The following UNC13A variants were observed in gnomAD, a reference collection of about 807,000 sequenced individuals.
The protein encoded by UNC13A is protein unc-13 homolog A.
In UNC13A, 61 loss-of-function variants were observed where a neutral mutation model predicts 219.7. The observed-to-expected ratio is 0.28, with a 90% confidence interval of 0.23 to 0.34. The LOEUF is 0.34. Among genes scored for constraint, UNC13A ranks in the 10% least tolerant of loss-of-function variants. The pLI is 1.00. For missense variants in UNC13A, 1,476 were observed against 2,270.3 expected (o/e 0.65, Z 7.11); for synonymous variants, 920 against 884.6 (o/e 1.04, Z -0.71).
Position 17,663,518 on chromosome 19 carries a change from G to A in UNC13A, c.559+14C>T. On this transcript the variant is annotated intron_variant, in intron 8 of 43. Coordinates refer to ENST00000519716, the MANE Select transcript of UNC13A (RefSeq NM_001080421.3). Reference sequence around the variant, plus strand: ...CATGTAACTCCCAGAACATCAATCAGGCTGAGTACTTACTGTGCTGCTCAC... The same window carrying A: ...CATGTAACTCCCAGAACATCAATCAAGCTGAGTACTTACTGTGCTGCTCAC... 6.2e-7 allele frequency: 1 copy of A among 1,612,626 alleles called. No homozygotes were observed. The highest frequency in any genetic ancestry group is 8.5e-7 in the Non-Finnish European group (1 of 1,179,418).
Position 17,611,830 on chromosome 19 carries a change from A to G in UNC13A, c.4584T>C (p.Gly1528=). 9 of 1,614,050 alleles carry G rather than the reference A, an allele frequency of 5.6e-6. No individual in the cohort carries two copies. The highest frequency in any genetic ancestry group is 7.6e-6 in the Non-Finnish European group (9 of 1,179,934). Residue 1528 remains glycine (G), a synonymous_variant, in exon 42 of 44, where the codon GGT becomes GGC. Coordinates refer to ENST00000519716, the MANE Select transcript of UNC13A (RefSeq NM_001080421.3). Reference sequence around the variant, plus strand: ...ACAGCTCAACATGGACAGAGACTTCACCCACAGGGTCTTCTACACCCAAGC... The same window carrying G: ...ACAGCTCAACATGGACAGAGACTTCGCCCACAGGGTCTTCTACACCCAAGC... ...AQGLGVEDPV[G]EVSVHVELFT...
intron 4 of UNC13A, 28 bp from the exon 5 acceptor site, chr19:17,669,704 G>T: frequency 6.3e-7 from 1 of 1,590,468 alleles, no homozygotes; most frequent in Non-Finnish European, 8.6e-7. Context: ...AGGTGTGTGG[G>T]TCAGGAATCT....
chr19:17,616,415 A>G (rs1400629525), intron 41 of UNC13A: 11 of 639,508 alleles, frequency 1.7e-5, no homozygotes, highest in Non-Finnish European at 3.2e-5. Flanking sequence ...TACCCTTCTC[A>G]GGATAAATGT....
Position 17,602,202 on chromosome 19 carries a change from G to C in UNC13A, c.*3852C>G, listed in dbSNP as rs1380904535. 2 of 152,696 alleles carry C rather than the reference G, an allele frequency of 1.3e-5. No homozygotes were observed. Among genetic ancestry groups the C allele is most frequent in the East Asian group, 3.9e-4 (2 of 5,190 alleles). The allele number at this position is 152,696 out of a possible 1,614,324, so 9.5% of individuals were successfully genotyped here. A position where few individuals can be genotyped will look rare whatever the true frequency, so the allele number is the denominator to read the frequency against. ...ATCATTCGAGGACAGACTGGTAAGA[G>C]TGAACAGATCCTTCTTTCTTCAGGA... On this transcript the variant is annotated 3_prime_UTR_variant, in exon 44 of 44. Coordinates refer to ENST00000519716, the MANE Select transcript of UNC13A (RefSeq NM_001080421.3).
At chr19:17,672,619 C>G (rs752644316) in intron 3 of UNC13A, 124 bp from the exon 4 acceptor site, 83 of 685,102 alleles carry the variant, frequency 1.2e-4, no homozygotes, top group Non-Finnish European at 1.9e-4. Context: ...TGGGAGTGTC[C>G]TAGGTGGTAG....
intron 35 of UNC13A, 124 bp downstream of exon 35, chr19:17,624,705 C>T: frequency 2.9e-6 from 4 of 1,385,574 alleles, no homozygotes; most frequent in Non-Finnish European, 3.8e-6. Context: ...GGCCCTTGAG[C>T]CTGGATGACC....
intron 4 of UNC13A, among the ~76,000 whole-genome samples, 184 bp from the exon 5 acceptor site, chr19:17,669,860 C>T (rs910992029): frequency 5.6e-5 from 8 of 143,172 alleles, no homozygotes; most frequent in African/African-American, 2.0e-4. Flanking sequence ...CTCCCTGCTT[C>T]CTTCCTTTCT....
rs935139298 is a variant in UNC13A, at chr19:17,647,167, G to C, written c.2044+98C>G. 1.8e-5 allele frequency: 21 copies of C among 1,138,878 alleles called. No homozygotes were observed. The Admixed American group carries it at 4.6e-4, about 25-fold the overall frequency. 70.5% of individuals were successfully genotyped at this position (1,138,878 alleles called of 1,614,324 possible). ...GGAATGCACCCGACCGAGTGAGTGCGCGCTGCAAAGGAGAGGGACCAGGCC... is the reference window on the plus strand; with the variant it reads ...GGAATGCACCCGACCGAGTGAGTGCCCGCTGCAAAGGAGAGGGACCAGGCC... On this transcript the variant is annotated intron_variant, in intron 17 of 43. Coordinates refer to ENST00000519716, the MANE Select transcript of UNC13A (RefSeq NM_001080421.3).
intron 41 of UNC13A, among the ~76,000 whole-genome samples, chr19:17,613,058 C>G (rs914911203): frequency 6.6e-5 from 10 of 152,000 alleles, no homozygotes; most frequent in Non-Finnish European, 1.2e-4. Context: ...ATGGCGAAAC[C>G]CTGTCTCTAC....
rs936015564 is a variant in UNC13A, at chr19:17,603,664, A to G, written c.*2390T>C. On this transcript the variant is annotated 3_prime_UTR_variant, in exon 44 of 44. Transcript: ENST00000519716. ...ACACTTGGGCCATTCACATGTCGGG[A>G]AACCAACGTCACAAACATACAACAC... 1 of 152,244 alleles carries G rather than the reference A, an allele frequency of 6.6e-6. No homozygotes were observed. Among genetic ancestry groups the G allele is most frequent in the Non-Finnish European group, 1.5e-5 (1 of 68,044 alleles). 9.4% of individuals were successfully genotyped at this position (152,244 alleles called of 1,614,324 possible). A position where few individuals can be genotyped will look rare whatever the true frequency, so the allele number is the denominator to read the frequency against.
intron 26 of UNC13A, among the ~76,000 whole-genome samples, chr19:17,635,556 C>A (rs923562594): frequency 6.6e-6 from 1 of 152,070 alleles, no homozygotes; most frequent in East Asian, 1.9e-4. Flanking sequence ...CAATATTGTA[C>A]GTTGAATTGC....
intron 26 of UNC13A, 136 bp downstream of exon 26, chr19:17,635,888 G>C: frequency 8.9e-7 from 1 of 1,126,672 alleles, no homozygotes; most frequent in Non-Finnish European, 1.2e-6. Context: ...TTTTGCACAG[G>C]TATAATCAGA....
chr19:17,633,180 G>A lies in UNC13A; in HGVS notation c.3229C>T (p.Leu1077=). 6.2e-7 allele frequency: 1 copy of A among 1,614,072 alleles called. No individual in the cohort carries two copies. The highest frequency in any genetic ancestry group is 8.5e-7 in the Non-Finnish European group (1 of 1,179,984). Residue 1077 remains leucine (L), a synonymous_variant, in exon 27 of 44, where the codon CTG becomes TTG. Transcript: ENST00000519716. ...TPCLNQFPQE[L]NVGKISAEVM... ...TCAGCGCTGATTTTACCCACATTCA[G>A]CTCCTGGGGAAACCTGGCAAAGTCA...
At chr19:17,609,021 G>A (rs1327913855) in intron 43 of UNC13A, among the ~76,000 whole-genome samples, 3 of 145,786 alleles carry the variant, frequency 2.1e-5, no homozygotes, top group Non-Finnish European at 3.0e-5. Flanking sequence ...GCAATGGCTC[G>A]ATCTTGGCTC....
In UNC13A at chr19:17,617,829, G is replaced by A. The variant is rs941676880; in HGVS notation, c.4431C>T (p.Gly1477=). ...CCAGGAAGGTCTTCTTGAGGCCCAC[G>A]CCACCCGCGTGGAAATATTGCTGGG... ...DTIKQYFHAG[G]VGLKKTFLEK... is the part of the protein sequence containing the mutation. The change falls in exon 41 of 44, where the codon GGC becomes GGT. Residue 1477 remains glycine, a synonymous_variant. Coordinates refer to ENST00000519716, the MANE Select transcript of UNC13A (RefSeq NM_001080421.3). The A allele has an allele frequency of 1.2e-6, 2 of 1,613,724 alleles. No homozygotes were observed. The highest frequency in any genetic ancestry group is 1.7e-6 in the Non-Finnish European group (2 of 1,179,834).
At chr19:17,624,775 GCTC>G in intron 35 of UNC13A, 51 bp downstream of exon 35, 2 of 1,562,958 alleles carry the variant, frequency 1.3e-6, no homozygotes, top group South Asian at 2.4e-5. Flanking sequence ...AGTTTTCTGG[GCTC>G]TCGCCAGGGA....
intron 41 of UNC13A, among the ~76,000 whole-genome samples, chr19:17,614,834 C>A (rs966443723): frequency 2.0e-5 from 3 of 152,192 alleles, no homozygotes; most frequent in African/African-American, 7.2e-5. Context: ...GCCCCGCCCT[C>A]CCCCAGGCCG....
chr19:17,606,666 T>C (rs1486975170), intron 43 of UNC13A, among the ~76,000 whole-genome samples: 1 of 148,170 alleles, frequency 6.7e-6, no homozygotes, highest in Non-Finnish European at 1.5e-5. Flanking sequence ...AAGGCCATGC[T>C]CCCACCCTGA....
Position 17,606,352 on chromosome 19 carries a change from G to C in UNC13A, c.4814C>G (p.Thr1605Arg). The stretch of plus-strand genomic sequence containing the variant: ...CTCGGGACCCGCGTCGGCGCTCAGC[G>C]TGCTGCGTGGGGAGGGGCGGAACGT... ...APKYNESFQF[T>R]LSADAGPECY... is the part of the protein sequence containing the mutation. The change falls in exon 44 of 44, where the codon ACG becomes AGG. Residue 1605 changes from threonine (T) to arginine (R), a missense_variant and splice_region_variant. Thr to Arg is a moderately conservative substitution (Grantham distance 71, BLOSUM62 -1). This residue lies in a region of UNC13A where 187 missense variants were observed against 172.3 expected (regional missense o/e 1.09). Transcript: ENST00000519716. 3.2e-6 allele frequency: 5 copies of C among 1,543,642 alleles called. No homozygotes were observed. The highest frequency in any genetic ancestry group is 4.4e-6 in the Non-Finnish European group (5 of 1,146,866).
Sources: allele counts gnomAD v4.1 joint callset (sites outside exome capture counted in the v4.1 genomes callset), GRCh38; gene constraint gnomAD v4.1.1; regional missense constraint gnomAD v4.1.1; transcripts MANE v1.5; gene names NCBI Gene and HGNC (gene_info 2026-07-23, HGNC 2026-07-21).